Variants in GRIA3 observed in about 807,000 individuals in gnomAD.
GRIA3 encodes glutamate ionotropic receptor AMPA type subunit 3, also known as glutamate receptor 3.
Under a neutral mutation model 63.0 loss-of-function variants are expected in GRIA3, and 3 were observed. The observed-to-expected ratio is 0.05, with a 90% CI of 0.02 to 0.12. The LOEUF is 0.12. Ranked by LOEUF, GRIA3 falls within the 10% of genes least tolerant of loss-of-function variation. The pLI, the probability that GRIA3 is intolerant of heterozygous loss-of-function variation, is 1.00. For missense variants in GRIA3, 347 were observed against 700.9 expected (o/e 0.50, Z 5.70); for synonymous variants, 274 against 257.9 (o/e 1.06, Z -0.60).
At chrX:123,347,401 C>T (rs1201286321) in intron 4 of GRIA3, among the ~76,000 whole-genome samples, 1 of 112,078 alleles carries the variant, frequency 8.9e-6, no homozygotes, top group Non-Finnish European at 1.9e-5. Context: ...AAATCAAAGG[C>T]CCAAAGAACA....
intron 4 of GRIA3, among the ~76,000 whole-genome samples, chrX:123,343,147 A>G (rs1480005685): frequency 8.9e-6 from 1 of 111,818 alleles, no homozygotes; most frequent in Non-Finnish European, 1.9e-5. Context: ...TGAAGCTTCA[A>G]TGAGATGAAG....
intron 3 of GRIA3, among the ~76,000 whole-genome samples, chrX:123,260,056 T>A (rs929126029): frequency 2.2e-4 from 24 of 109,481 alleles, no homozygotes; most frequent in Non-Finnish European, 3.2e-4. Context: ...AAAATCCAGG[T>A]TAAGAGGTAA....
intron 12 of GRIA3, among the ~76,000 whole-genome samples, chrX:123,447,137 T>C (rs112877985): frequency 0.039 from 4,393 of 111,384 alleles, 200 homozygotes; most frequent in African/African-American, 0.13. Flanking sequence ...AATCCCAGCA[T>C]TTTGGGAGGC....
At chrX:123,308,493 CT>C (rs2044769195) in intron 3 of GRIA3, among the ~76,000 whole-genome samples, 1 of 111,965 alleles carries the variant, frequency 8.9e-6, no homozygotes, top group Admixed American at 9.5e-5. Context: ...TTAGACCCGA[CT>C]TGGCTGCTTG....
At chrX:123,192,096 TAC>T (rs1428199234) in intron 2 of GRIA3, among the ~76,000 whole-genome samples, 2 of 111,567 alleles carry the variant, frequency 1.8e-5, no homozygotes, top group Non-Finnish European at 3.8e-5. Flanking sequence ...TGGGTGTAAG[TAC>T]ACCCGAGGCA....
chrX:123,265,649 C>G (rs759070216), intron 3 of GRIA3, among the ~76,000 whole-genome samples: 1 of 111,488 alleles, frequency 9.0e-6, no homozygotes, highest in Non-Finnish European at 1.9e-5. Context: ...TGCAGTCAAA[C>G]CTTTATGGTT....
At chrX:123,381,365 C>G (rs1467199804) in intron 5 of GRIA3, among the ~76,000 whole-genome samples, 1 of 111,786 alleles carries the variant, frequency 8.9e-6, no homozygotes, top group African/African-American at 3.3e-5. Context: ...TGACCCTTAC[C>G]TTTTTATTTA....
intron 9 of GRIA3, among the ~76,000 whole-genome samples, 184 bp from the exon 10 acceptor site, chrX:123,404,520 CAAAA>C (rs374514027): frequency 6.1e-5 from 4 of 65,507 alleles, no homozygotes; most frequent in African/African-American, 1.6e-4. Flanking sequence ...CTCCCCCTAC[CAAAA>C]AAAAAAAAAA....
intron 3 of GRIA3, among the ~76,000 whole-genome samples, chrX:123,268,515 C>T (rs1422992516): frequency 9.1e-6 from 1 of 109,666 alleles, no homozygotes; most frequent in East Asian, 2.8e-4. Flanking sequence ...TGTCATGGTT[C>T]ATCAGTAAGG....
intron 2 of GRIA3, among the ~76,000 whole-genome samples, chrX:123,218,548 C>CT (rs1330673761): frequency 9.0e-6 from 1 of 111,251 alleles, no homozygotes; most frequent in Non-Finnish European, 1.9e-5. Flanking sequence ...CAAGCTCCGC[C>CT]TCCCAGGTTC....
intron 2 of GRIA3, among the ~76,000 whole-genome samples, chrX:123,206,779 G>T (rs1927900490): frequency 8.9e-6 from 1 of 111,801 alleles, no homozygotes; most frequent in Non-Finnish European, 1.9e-5. Context: ...AATTTTGAGA[G>T]ATATTATATG....
intron 2 of GRIA3, among the ~76,000 whole-genome samples, chrX:123,219,562 A>G (rs1269962714): frequency 8.9e-6 from 1 of 112,176 alleles, no homozygotes; most frequent in Non-Finnish European, 1.9e-5. Flanking sequence ...CCTTTGGCCA[A>G]ATTGACCAGT....
chrX:123,321,620 C>T (rs140019915), intron 3 of GRIA3, among the ~76,000 whole-genome samples: 5 of 112,467 alleles, frequency 4.4e-5, no homozygotes, highest in African/African-American at 1.6e-4. Flanking sequence ...CTTGTTTATA[C>T]ATTTAACAAA....
At chrX:123,393,149 T>C (rs1426719287) in intron 5 of GRIA3, among the ~76,000 whole-genome samples, 2 of 112,763 alleles carry the variant, frequency 1.8e-5, no homozygotes, top group Non-Finnish European at 3.7e-5. Context: ...TTTGACTCTT[T>C]GTCCAGTCTC....
chrX:123,436,864 G>A (rs1196527416), intron 12 of GRIA3, among the ~76,000 whole-genome samples: 1 of 110,884 alleles, frequency 9.0e-6, no homozygotes, highest in Non-Finnish European at 1.9e-5. Context: ...TTAAAGGAAT[G>A]AGGCCCATCT....
chrX:123,198,914 T>C (rs1927646900), intron 2 of GRIA3, among the ~76,000 whole-genome samples: 1 of 111,928 alleles, frequency 8.9e-6, no homozygotes, highest in Non-Finnish European at 1.9e-5. Flanking sequence ...GAAGAGTGGA[T>C]CCCAGATCCT....
At chrX:123,198,158 A>G (rs946485395) in intron 2 of GRIA3, among the ~76,000 whole-genome samples, 2 of 111,863 alleles carry the variant, frequency 1.8e-5, no homozygotes, top group African/African-American at 3.3e-5. Context: ...ACAGAGATGC[A>G]CCTCTGGAAC....
At chrX:123,381,482 C>T (rs1161591938) in intron 5 of GRIA3, among the ~76,000 whole-genome samples, 5 of 111,865 alleles carry the variant, frequency 4.5e-5, no homozygotes, top group Non-Finnish European at 7.5e-5. Context: ...GTGTCATAAC[C>T]ATAAAAATTC....
chrX:123,234,543 C>T (rs756518723), intron 2 of GRIA3, among the ~76,000 whole-genome samples: 3 of 111,747 alleles, frequency 2.7e-5, no homozygotes, highest in Non-Finnish European at 5.7e-5. Context: ...ACATTCCAAG[C>T]AGGCAGTAAG....
Sources: gnomAD v4.1 joint callset for allele counts (sites outside exome capture counted in the v4.1 genomes callset) on GRCh38, gnomAD v4.1.1 for gene constraint, MANE v1.5 for transcripts, NCBI Gene and HGNC (gene_info 2026-07-23, HGNC 2026-07-21) for gene names.